The following COP1 variants were observed in gnomAD, a reference collection of about 807,000 sequenced individuals.
COP1 encodes the protein E3 ubiquitin-protein ligase COP1.
COP1 carries 24 observed loss-of-function variants against 101.3 expected under a neutral mutation model. That is an observed-to-expected ratio of 0.24 (90% CI 0.17 to 0.33). The LOEUF (loss-of-function observed/expected upper bound fraction) is 0.33. Among genes scored for constraint, COP1 ranks in the 10% least tolerant of loss-of-function variants. The pLI, the probability that COP1 is intolerant of heterozygous loss-of-function variation, is 1.00. For missense variants in COP1, 663 were observed against 906.2 expected (o/e 0.73, Z 3.45); for synonymous variants, 347 against 341.9 (o/e 1.01, Z -0.17).
chr1:175,992,609 C>T (rs770479556), intron 15 of COP1, among the ~76,000 whole-genome samples: 6 of 152,234 alleles, frequency 3.9e-5, no homozygotes, highest in African/African-American at 9.6e-5. Context: ...GCACCTGGCT[C>T]GGAGGGTCCT....
chr1:175,993,765 T>G (rs1319877693), intron 15 of COP1, among the ~76,000 whole-genome samples: 2 of 152,176 alleles, frequency 1.3e-5, no homozygotes, highest in Admixed American at 6.5e-5. Flanking sequence ...AATCTACGTC[T>G]GATTGGTGTA....
intron 11 of COP1, among the ~76,000 whole-genome samples, chr1:176,068,189 T>C (rs571652483): frequency 2.6e-5 from 4 of 152,322 alleles, no homozygotes; most frequent in African/African-American, 9.6e-5. Context: ...TAAATATTTC[T>C]TATTAGAAAT....
chr1:176,158,889 C>T (rs917067060), intron 5 of COP1, among the ~76,000 whole-genome samples: 6 of 152,142 alleles, frequency 3.9e-5, no homozygotes, highest in Non-Finnish European at 8.8e-5. Context: ...AATCCACCCA[C>T]CTCGGCCTCC....
rs983100455 is a variant in COP1, at chr1:176,001,212, T to C, written c.1730-11733A>G. Among the ~76,000 whole-genome samples, 13 of 152,124 alleles carry C rather than the reference T, an allele frequency of 8.5e-5. 1 individual carries two copies. Among genetic ancestry groups the C allele is most frequent in the Admixed American group, 5.9e-4 (9 of 15,256 alleles). ...AATATAAAACTCTTCTTGGGAGTTATTTCTAAAGAGAATTAACATCAGAAT... is the reference window on the plus strand; with the variant it reads ...AATATAAAACTCTTCTTGGGAGTTACTTCTAAAGAGAATTAACATCAGAAT... On this transcript the variant is annotated intron_variant, in intron 15 of 19. Coordinates refer to ENST00000367669, the MANE Select transcript of COP1 (RefSeq NM_022457.7).
In COP1 at chr1:175,950,079, T is replaced by C. The variant is rs1051256863; in HGVS notation, c.2134-2840A>G. Among the ~76,000 whole-genome samples the C allele has an allele frequency of 4.6e-5, 7 of 152,102 alleles. No homozygotes were observed. The South Asian group carries it at 8.3e-4, about 18-fold the overall frequency. On this transcript the variant is annotated intron_variant, in intron 18 of 19. Transcript: ENST00000367669. ...ACCCAAGAAGGACATCTGATAACTA[T>C]CCAACATGAATAAACACTGTCTTAC...
intron 19 of COP1, 21 bp downstream of exon 19, chr1:175,947,174 G>T: frequency 1.9e-6 from 3 of 1,556,602 alleles, no homozygotes; most frequent in Non-Finnish European, 2.7e-6. Flanking sequence ...GTTTAAAATG[G>T]AGATATAGTA....
chr1:176,203,115 A>G (rs1700449528), intron 1 of COP1, among the ~76,000 whole-genome samples: 1 of 151,772 alleles, frequency 6.6e-6, no homozygotes, highest in Non-Finnish European at 1.5e-5. Flanking sequence ...AGGCGGGCGG[A>G]TCATGAGGTC....
chr1:176,057,472 T>C (rs61820971), intron 11 of COP1, among the ~76,000 whole-genome samples: 10,077 of 152,268 alleles, frequency 0.066, 413 homozygotes, highest in Middle Eastern at 0.12. Flanking sequence ...GTGCCTGCGA[T>C]TGCAGGCGCG....
chr1:176,186,336 T>C (rs1698436974), intron 1 of COP1, among the ~76,000 whole-genome samples: 1 of 148,666 alleles, frequency 6.7e-6, no homozygotes, highest in South Asian at 2.1e-4. Context: ...TGAGACCTCA[T>C]CTCTACAAAA....
intron 14 of COP1, among the ~76,000 whole-genome samples, chr1:176,038,817 CA>C (rs57682179): frequency 0.92 from 122,393 of 133,708 alleles, 56,352 homozygotes; most frequent in East Asian, 0.99. Context: ...GACTCCATCT[CA>C]AAAAAAAAAA....
At chr1:175,973,757 ACT>A (rs1653838540) in intron 18 of COP1, among the ~76,000 whole-genome samples, 1 of 152,108 alleles carries the variant, frequency 6.6e-6, no homozygotes, top group Admixed American at 6.5e-5. Context: ...CCCAATGAAC[ACT>A]CTAATATTTT....
intron 11 of COP1, among the ~76,000 whole-genome samples, chr1:176,064,652 C>T (rs1004627239): frequency 1.3e-5 from 2 of 152,026 alleles, no homozygotes; most frequent in East Asian, 1.9e-4. Flanking sequence ...TTTCTTTCCC[C>T]GTTTTCTTTC....
In COP1 at chr1:176,206,590, T is replaced by C. The variant is rs1157299597; in HGVS notation, c.389A>G (p.Lys130Arg). The change falls in exon 1 of 20, where the codon AAA (lysine) becomes AGA (arginine). Residue 130 changes from lysine to arginine, a missense_variant. Physicochemically the swap from Lys to Arg is conservative, Grantham distance 26. This residue lies in a region of COP1 where 204 missense variants were observed against 203.6 expected (regional missense o/e 1.00). Transcript: ENST00000367669. ...CNGLINSYED[K>R]SNDFVCPICF... Reference sequence around the variant, plus strand: ...AACCCACCATACGAAGTCGTTGCTTTTGTCCTCGTAGGAGTTGATGAGCCC... The same window carrying C: ...AACCCACCATACGAAGTCGTTGCTTCTGTCCTCGTAGGAGTTGATGAGCCC... 1 of 1,611,194 alleles carries C rather than the reference T, an allele frequency of 6.2e-7. No individual in the cohort carries two copies. Among genetic ancestry groups the C allele is most frequent in the Admixed American group, 1.7e-5 (1 of 59,994 alleles).
At chr1:176,089,024 C>T (rs995784641) in intron 9 of COP1, among the ~76,000 whole-genome samples, 9 of 151,562 alleles carry the variant, frequency 5.9e-5, no homozygotes, top group South Asian at 4.2e-4. Flanking sequence ...CTATTTAGGC[C>T]GGGCGTGGTG....
chr1:176,130,615 T>C (rs949720267), intron 8 of COP1, among the ~76,000 whole-genome samples: 3 of 151,800 alleles, frequency 2.0e-5, no homozygotes, highest in Non-Finnish European at 3.0e-5. Flanking sequence ...ATAGCTTTTA[T>C]AGCAAGATTA....
intron 18 of COP1, among the ~76,000 whole-genome samples, chr1:175,984,105 T>C (rs1227660403): frequency 6.6e-6 from 1 of 152,196 alleles, no homozygotes; most frequent in East Asian, 1.9e-4. Flanking sequence ...GAGCTGAATG[T>C]TAATCCCCAA....
chr1:176,035,679 C>T (rs1440391479), intron 14 of COP1, among the ~76,000 whole-genome samples: 2 of 115,696 alleles, frequency 1.7e-5, no homozygotes, highest in South Asian at 3.0e-4. Flanking sequence ...CAGACTTTAA[C>T]ATTTCTGTCT....
chr1:176,062,047 T>C (rs1674949163), intron 11 of COP1, among the ~76,000 whole-genome samples: 1 of 152,214 alleles, frequency 6.6e-6, no homozygotes, highest in Non-Finnish European at 1.5e-5. Flanking sequence ...TCGCCCAGGC[T>C]GGAGTGCAGT....
intron 7 of COP1, 56 bp from the exon 8 acceptor site, chr1:176,135,142 T>A: frequency 3.4e-6 from 4 of 1,170,556 alleles, no homozygotes; most frequent in African/African-American, 1.6e-5. Flanking sequence ...GATATATAAA[T>A]CAAAAAGAGG....
Sources: gnomAD v4.1 joint callset for allele counts (sites outside exome capture counted in the v4.1 genomes callset) on GRCh38, gnomAD v4.1.1 for gene constraint, gnomAD v4.1.1 regional missense constraint, MANE v1.5 for transcripts, NCBI Gene and HGNC (gene_info 2026-07-23, HGNC 2026-07-21) for gene names.